Variants in ST7 observed in about 807,000 individuals in gnomAD.
The protein encoded by ST7 is suppressor of tumorigenicity 7 protein.
Under a neutral mutation model 78.7 loss-of-function variants are expected in ST7, and 28 were observed. The observed-to-expected ratio is 0.36, with a 90% CI of 0.26 to 0.49. The LOEUF is 0.49. Ranked by LOEUF, ST7 falls within the 20% of genes least tolerant of loss-of-function variation. The pLI, the probability that ST7 is intolerant of heterozygous loss-of-function variation, is 0.99. For synonymous variants in ST7, 247 were observed against 249.6 expected, an observed-to-expected ratio of 0.99 and a Z score of 0.10; for missense variants, 418 against 696.0, an observed-to-expected ratio of 0.60 and a Z score of 4.49.
chr7:117,048,402 T>C (rs1381006419), intron 1 of ST7, among the ~76,000 whole-genome samples: 2 of 152,228 alleles, frequency 1.3e-5, no homozygotes, highest in East Asian at 3.8e-4. Context: ...CAAAGCAGTC[T>C]TGAATAATCA....
At chr7:117,163,891 A>AT (rs1310182162) in intron 9 of ST7, among the ~76,000 whole-genome samples, 1 of 152,044 alleles carries the variant, frequency 6.6e-6, no homozygotes, top group Non-Finnish European at 1.5e-5. Context: ...CATTTCCCCT[A>AT]TGTTTTCTTC....
intron 1 of ST7, among the ~76,000 whole-genome samples, chr7:117,027,846 T>C (rs922347256): frequency 2.0e-5 from 3 of 152,160 alleles, no homozygotes; most frequent in African/African-American, 7.2e-5. Context: ...CAGTTGACAA[T>C]AAATCCCCAG....
At chr7:117,034,528 A>G (rs1337021637) in intron 1 of ST7, among the ~76,000 whole-genome samples, 1 of 152,152 alleles carries the variant, frequency 6.6e-6, no homozygotes, top group Non-Finnish European at 1.5e-5. Flanking sequence ...TAAGGTCAAT[A>G]CCTTTTCTTT....
chr7:117,099,800 G>A lies in ST7; in HGVS notation c.190G>A (p.Val64Met). ...GAACACATTAACACCGAAGTTCTAC[G>A]TGGCCCTAACAGGCACTTCCTCACT... ...FLNTLTPKFY[V>M]ALTGTSSLIS... Residue 64 changes from valine (V) to methionine (M), a missense_variant, in exon 2 of 16, where the codon GTG becomes ATG. Val to Met is a conservative substitution (Grantham distance 21). Around this residue, in one of 4 missense-constraint regions of ST7, gnomAD observed 23 missense variants for 67.7 expected, o/e 0.34. Coordinates refer to ENST00000323984, the MANE Select transcript of ST7 (RefSeq NM_001369598.1). The A allele has an allele frequency of 6.2e-7, 1 of 1,613,508 alleles. No individual in the cohort carries two copies. Among genetic ancestry groups the A allele is most frequent in the Non-Finnish European group, 8.5e-7 (1 of 1,179,806 alleles).
intron 2 of ST7, among the ~76,000 whole-genome samples, chr7:117,110,268 T>C (rs1584688396): frequency 6.6e-6 from 1 of 152,254 alleles, no homozygotes; most frequent in East Asian, 1.9e-4. Flanking sequence ...TACAATTTCA[T>C]ACTGAAACCA....
At chr7:117,173,446 A>G (rs908463579) in intron 10 of ST7, 3 of 152,188 alleles carry the variant, frequency 2.0e-5, no homozygotes, top group African/African-American at 7.2e-5. Flanking sequence ...AGATTGTGGA[A>G]AAACATGCCT....
intron 1 of ST7, among the ~76,000 whole-genome samples, chr7:117,085,443 A>G (rs902070075): frequency 1.3e-5 from 2 of 152,144 alleles, no homozygotes; most frequent in Non-Finnish European, 2.9e-5. Context: ...ATCTCATGTA[A>G]TGACATGCCT....
chr7:117,105,993 TTTTTG>T (rs1196942375), intron 2 of ST7, among the ~76,000 whole-genome samples: 3 of 143,912 alleles, frequency 2.1e-5, no homozygotes, highest in East Asian at 4.3e-4. Flanking sequence ...TTTGTTTTTG[TTTTTG>T]TTTTTTTTTT....
intron 1 of ST7, among the ~76,000 whole-genome samples, chr7:117,083,913 T>A (rs1430972605): frequency 2.0e-5 from 3 of 152,082 alleles, no homozygotes; most frequent in Non-Finnish European, 4.4e-5. Flanking sequence ...TCCTCCTTAT[T>A]AACAAACGAC....
At chr7:116,968,779 G>A (rs961741227) in intron 1 of ST7, among the ~76,000 whole-genome samples, 1 of 152,150 alleles carries the variant, frequency 6.6e-6, no homozygotes, top group Non-Finnish European at 1.5e-5. Flanking sequence ...AATCATAGTG[G>A]TAGTTACTGG....
intron 1 of ST7, among the ~76,000 whole-genome samples, chr7:116,991,925 C>T (rs554490941): frequency 2.0e-5 from 3 of 152,206 alleles, no homozygotes; most frequent in South Asian, 4.2e-4. Context: ...CAGGGCCCAA[C>T]CAAGTCTAAA....
At chr7:117,036,690 A>G (rs1584497906) in intron 1 of ST7, among the ~76,000 whole-genome samples, 2 of 152,182 alleles carry the variant, frequency 1.3e-5, no homozygotes, top group East Asian at 1.9e-4. Flanking sequence ...GTAGCCATAT[A>G]TCATATTCCC....
intron 1 of ST7, among the ~76,000 whole-genome samples, chr7:117,006,220 A>C (rs1795152354): frequency 6.6e-6 from 1 of 152,226 alleles, no homozygotes; most frequent in South Asian, 2.1e-4. Context: ...AAGCTTTCAA[A>C]AGAGAGCAGT....
At chr7:117,053,289 A>G (rs1046250510) in intron 1 of ST7, among the ~76,000 whole-genome samples, 3 of 152,232 alleles carry the variant, frequency 2.0e-5, no homozygotes, top group African/African-American at 7.2e-5. Context: ...CAATTGCACT[A>G]AAAACCCTAG....
intron 1 of ST7, among the ~76,000 whole-genome samples, chr7:116,981,241 G>A (rs1215470536): frequency 2.0e-5 from 3 of 151,976 alleles, no homozygotes; most frequent in Non-Finnish European, 2.9e-5. Context: ...CCAAGTAGCT[G>A]GGTCCACAGG....
intron 1 of ST7, among the ~76,000 whole-genome samples, chr7:117,012,270 C>G (rs533756089): frequency 6.6e-6 from 1 of 150,772 alleles, no homozygotes; most frequent in African/African-American, 2.4e-5. Flanking sequence ...TGGAAAGAAC[C>G]TAGTTTTTTG....
At chr7:117,157,310 A>C (rs1233147394) in intron 9 of ST7, among the ~76,000 whole-genome samples, 3 of 152,144 alleles carry the variant, frequency 2.0e-5, no homozygotes, top group African/African-American at 4.8e-5. Context: ...GCTGCAAAAG[A>C]AGCAGTGAAC....
intron 12 of ST7, among the ~76,000 whole-genome samples, chr7:117,205,900 G>A (rs769171617): frequency 3.2e-4 from 48 of 152,212 alleles, no homozygotes; most frequent in Non-Finnish European, 5.6e-4. Flanking sequence ...TGGACAAAGC[G>A]TGTTCTTTGA....
At chr7:116,984,426 A>G (rs1186128097) in intron 1 of ST7, among the ~76,000 whole-genome samples, 1 of 152,218 alleles carries the variant, frequency 6.6e-6, no homozygotes, top group African/African-American at 2.4e-5. Flanking sequence ...CTGTTATACA[A>G]TAGCGCATCT....
Sources: gnomAD v4.1 joint callset for allele counts (sites outside exome capture counted in the v4.1 genomes callset) on GRCh38, gnomAD v4.1.1 for gene constraint, gnomAD v4.1.1 regional missense constraint, MANE v1.5 for transcripts, NCBI Gene and HGNC (gene_info 2026-07-23, HGNC 2026-07-21) for gene names.